LRRC4C: variants seen among roughly 807,000 people sequenced by gnomAD.
The protein encoded by LRRC4C is leucine rich repeat containing 4C, also known as leucine-rich repeat-containing protein 4C.
LRRC4C carries 5 observed loss-of-function variants against 33.6 expected under a neutral mutation model. The observed-to-expected ratio is 0.15, with a 90% CI of 0.08 to 0.31. The LOEUF (loss-of-function observed/expected upper bound fraction) is 0.31, where lower values mean the gene tolerates loss of function less well. LRRC4C is among the 10% of genes least tolerant of loss of function. LRRC4C has a pLI of 1.00. For synonymous variants in LRRC4C, 329 were observed against 302.0 expected, an observed-to-expected ratio of 1.09 and a Z score of -0.93; for missense variants, 560 against 796.7, an observed-to-expected ratio of 0.70 and a Z score of 3.58.
chr11:40,964,928 T>C (rs574430785), intron 1 of LRRC4C, among the ~76,000 whole-genome samples: 1 of 152,092 alleles, frequency 6.6e-6, no homozygotes, highest in Non-Finnish European at 1.5e-5. Context: ...TAGTTCTAGA[T>C]CCCTGAGGAA....
chr11:41,184,629 C>T (rs191296647), intron 1 of LRRC4C, among the ~76,000 whole-genome samples: 1 of 152,188 alleles, frequency 6.6e-6, no homozygotes, highest in East Asian at 1.9e-4. Flanking sequence ...TTCATACTTT[C>T]CCACATTTTC....
At chr11:40,683,860 C>T (rs1240211840) in intron 2 of LRRC4C, among the ~76,000 whole-genome samples, 1 of 152,154 alleles carries the variant, frequency 6.6e-6, no homozygotes, top group African/African-American at 2.4e-5. Context: ...AAAGGGAAAA[C>T]ATAAACTCTG....
At chr11:41,078,028 C>A (rs1939284908) in intron 1 of LRRC4C, among the ~76,000 whole-genome samples, 1 of 152,208 alleles carries the variant, frequency 6.6e-6, no homozygotes, top group South Asian at 2.1e-4. Flanking sequence ...CGCCACCAGT[C>A]TCTTTGCTAA....
chr11:40,300,887 G>T, intron 4 of LRRC4C, among the ~76,000 whole-genome samples: 1 of 152,124 alleles, frequency 6.6e-6, no homozygotes, highest in East Asian at 1.9e-4. Context: ...CTACAGCCTG[G>T]AACTCCCGGG....
At chr11:40,559,996 C>G (rs1189538040) in intron 3 of LRRC4C, among the ~76,000 whole-genome samples, 1 of 152,124 alleles carries the variant, frequency 6.6e-6, no homozygotes, top group East Asian at 1.9e-4. Flanking sequence ...TCCTGAGTGT[C>G]TTGATCTTCT....
At position 41,138,048 on chromosome 11, in the gene LRRC4C, G is replaced by C. The variant is rs536326887; in HGVS notation, c.-495-204325C>G. 1.5e-4 allele frequency among the ~76,000 whole-genome samples: 23 copies of C among 152,302 alleles called. 1 individual carries two copies. The South Asian group carries it at 4.6e-3, about 30-fold the overall frequency. ...GGTATATCACTGGTGCTCTAGGAAG[G>C]TCTTGCATCATTTTCACTCATTCAC... On this transcript the variant is annotated intron_variant, in intron 1 of 6. Transcript: ENST00000528697.
chr11:40,551,699 T>C (rs934303074), intron 3 of LRRC4C, among the ~76,000 whole-genome samples: 2 of 152,202 alleles, frequency 1.3e-5, no homozygotes, highest in Non-Finnish European at 2.9e-5. Context: ...TACTGTTCAT[T>C]ATCTCACTTC....
At chr11:40,246,436 T>G (rs553994080) in intron 4 of LRRC4C, among the ~76,000 whole-genome samples, 1 of 152,332 alleles carries the variant, frequency 6.6e-6, no homozygotes, top group East Asian at 1.9e-4. Flanking sequence ...GATTAAGGAC[T>G]GTGGAAAATG....
intron 4 of LRRC4C, among the ~76,000 whole-genome samples, chr11:40,270,050 C>T (rs1002593742): frequency 6.6e-5 from 10 of 152,144 alleles, no homozygotes; most frequent in East Asian, 1.9e-4. Context: ...GGAACCCCTA[C>T]GCCTCCCATA....
At chr11:40,865,533 A>ATAT (rs56719705) in intron 2 of LRRC4C, among the ~76,000 whole-genome samples, 11 of 145,378 alleles carry the variant, frequency 7.6e-5, no homozygotes, top group African/African-American at 2.7e-4. Context: ...ATATATATAT[A>ATAT]ATTTCAAAAC....
intron 3 of LRRC4C, among the ~76,000 whole-genome samples, chr11:40,505,145 A>G (rs900682117): frequency 4.6e-5 from 7 of 152,098 alleles, no homozygotes; most frequent in Non-Finnish European, 8.8e-5. Context: ...TGGGAGAAAA[A>G]TAGGTAAGGA....
At chr11:40,306,339 T>G (rs1945029382) in intron 4 of LRRC4C, among the ~76,000 whole-genome samples, 1 of 152,172 alleles carries the variant, frequency 6.6e-6, no homozygotes, top group African/African-American at 2.4e-5. Flanking sequence ...AGTTTGTCTG[T>G]TTTAAATAAG....
chr11:40,159,675 A>G (rs1006149592), intron 5 of LRRC4C, among the ~76,000 whole-genome samples: 2 of 152,188 alleles, frequency 1.3e-5, no homozygotes, highest in African/African-American at 4.8e-5. Flanking sequence ...AATTAATTTG[A>G]ATCACTTCCG....
intron 1 of LRRC4C, among the ~76,000 whole-genome samples, chr11:41,289,953 A>G (rs1370380217): frequency 6.6e-6 from 1 of 152,232 alleles, no homozygotes; most frequent in Non-Finnish European, 1.5e-5. Context: ...CTTTACAAGT[A>G]GAGCTATTTC....
chr11:40,671,745 A>G (rs1944130824), intron 2 of LRRC4C, among the ~76,000 whole-genome samples: 1 of 151,456 alleles, frequency 6.6e-6, no homozygotes, highest in Non-Finnish European at 1.5e-5. Context: ...TATCTCAAAT[A>G]ACCCTCATCT....
At chr11:40,617,803 A>G (rs906904908) in intron 3 of LRRC4C, among the ~76,000 whole-genome samples, 1 of 151,744 alleles carries the variant, frequency 6.6e-6, no homozygotes, top group Non-Finnish European at 1.5e-5. Flanking sequence ...TAACCATTTT[A>G]GCATCCCCTT....
intron 1 of LRRC4C, among the ~76,000 whole-genome samples, chr11:41,107,647 TAAA>T (rs1417936449): frequency 2.0e-5 from 3 of 151,984 alleles, no homozygotes; most frequent in Non-Finnish European, 2.9e-5. Context: ...AGATGAAAAA[TAAA>T]AAAGTGACTG....
intron 1 of LRRC4C, among the ~76,000 whole-genome samples, chr11:41,075,709 G>T (rs1031512546): frequency 6.6e-6 from 1 of 151,892 alleles, no homozygotes; most frequent in African/African-American, 2.4e-5. Flanking sequence ...AGCATATTTC[G>T]TCCAAAGAGT....
chr11:40,212,369 G>T (rs1205372726), intron 5 of LRRC4C, among the ~76,000 whole-genome samples: 1 of 151,716 alleles, frequency 6.6e-6, no homozygotes, highest in Non-Finnish European at 1.5e-5. Flanking sequence ...TAGGAGCAAA[G>T]CACCCAGGGT....
Sources: allele counts gnomAD v4.1 joint callset (sites outside exome capture counted in the v4.1 genomes callset), GRCh38; gene constraint gnomAD v4.1.1; transcripts MANE v1.5; gene names NCBI Gene and HGNC (gene_info 2026-07-23, HGNC 2026-07-21).